Variants in CARMIL1 observed in about 807,000 individuals in gnomAD.
CARMIL1 encodes the protein F-actin-uncapping protein LRRC16A.
In CARMIL1, 90 loss-of-function variants were observed where a neutral mutation model predicts 177.1. The observed-to-expected ratio is 0.51, with a 90% CI of 0.43 to 0.61. The LOEUF is 0.61. Ranked by LOEUF, CARMIL1 falls within the 20% of genes least tolerant of loss-of-function variation. CARMIL1 has a pLI of 0.00. For synonymous variants in CARMIL1, 577 were observed against 606.2 expected (o/e 0.95, Z 0.71); for missense variants, 1,380 against 1,667.0 (o/e 0.83, Z 3.00).
At chr6:25,468,980 T>C (rs1018678457) in intron 9 of CARMIL1, among the ~76,000 whole-genome samples, 1 of 152,214 alleles carries the variant, frequency 6.6e-6, no homozygotes, top group Non-Finnish European at 1.5e-5. Context: ...ATCTAAGTAA[T>C]CACTTTTTAT....
At chr6:25,491,003 G>A (rs1453641456) in intron 13 of CARMIL1, among the ~76,000 whole-genome samples, 2 of 152,196 alleles carry the variant, frequency 1.3e-5, no homozygotes, top group African/African-American at 4.8e-5. Context: ...CTTGGACTCA[G>A]CTTGTTATGG....
At chr6:25,280,328 G>A (rs1273634614) in intron 1 of CARMIL1, among the ~76,000 whole-genome samples, 1 of 152,178 alleles carries the variant, frequency 6.6e-6, no homozygotes, top group African/African-American at 2.4e-5. Context: ...CGCGGGAGGT[G>A]ATCTTCTGAC....
At chr6:25,422,065 G>T (rs917784437) in intron 3 of CARMIL1, among the ~76,000 whole-genome samples, 3 of 152,110 alleles carry the variant, frequency 2.0e-5, no homozygotes, top group Admixed American at 6.5e-5. Context: ...TAAAAGATGT[G>T]AAGTTGGCTA....
chr6:25,391,365 C>A (rs779246475), intron 2 of CARMIL1, among the ~76,000 whole-genome samples: 1 of 152,154 alleles, frequency 6.6e-6, no homozygotes, highest in African/African-American at 2.4e-5. Flanking sequence ...TAAAAGGGCA[C>A]TGGGCTGTCT....
chr6:25,490,421 G>A (rs1449627481), intron 13 of CARMIL1, among the ~76,000 whole-genome samples: 1 of 152,120 alleles, frequency 6.6e-6, no homozygotes, highest in Non-Finnish European at 1.5e-5. Context: ...TCTATGGCTG[G>A]GTGTAGTGGC....
intron 17 of CARMIL1, among the ~76,000 whole-genome samples, chr6:25,506,997 T>C (rs1459325707): frequency 6.6e-6 from 1 of 152,186 alleles, no homozygotes; most frequent in Non-Finnish European, 1.5e-5. Context: ...GAGAGGATAC[T>C]ACTCTCTTGA....
rs756068544 is a variant in CARMIL1 at position 25,594,410 on chromosome 6, T to C, written c.3007-5T>C. On this transcript the variant is annotated splice_polypyrimidine_tract_variant and splice_region_variant and intron_variant, in intron 31 of 36. Transcript: ENST00000329474. ...GAATTAACATTACATCTGTTTGTTT[T>C]GCAGGTCTGTGCTGCCAACATAGTC... 19 of 1,570,664 alleles carry C rather than the reference T, an allele frequency of 1.2e-5. No individual in the cohort carries two copies. In the East Asian group the frequency reaches 3.8e-4, roughly 31 times the overall value.
chr6:25,555,425 G>T (rs1253200265), intron 28 of CARMIL1, among the ~76,000 whole-genome samples: 2 of 151,324 alleles, frequency 1.3e-5, no homozygotes, highest in African/African-American at 2.4e-5. Flanking sequence ...ATTCAGGATG[G>T]AGTCTTGCTC....
chr6:25,470,887 G>A (rs1267918137), intron 9 of CARMIL1, among the ~76,000 whole-genome samples: 1 of 152,162 alleles, frequency 6.6e-6, no homozygotes, highest in Non-Finnish European at 1.5e-5. Context: ...GTTTTTAACT[G>A]TGAATTTTGG....
intron 24 of CARMIL1, among the ~76,000 whole-genome samples, chr6:25,530,208 TAAAGCGTTCCAGAAAGA>T (rs1807603872): frequency 6.6e-6 from 1 of 151,884 alleles, no homozygotes; most frequent in Admixed American, 6.6e-5. Context: ...AAAAAAATCT[TAAAGCGTTCCAGAAAGA>T]AAAGAGTTCC....
intron 21 of CARMIL1, among the ~76,000 whole-genome samples, chr6:25,516,067 G>T (rs528605863): frequency 5.3e-5 from 8 of 152,286 alleles, no homozygotes; most frequent in African/African-American, 1.9e-4. Flanking sequence ...TAGTTCTGTT[G>T]TAAGGTAGAA....
At chr6:25,616,825 A>C (rs1759301620) in intron 36 of CARMIL1, among the ~76,000 whole-genome samples, 1 of 152,208 alleles carries the variant, frequency 6.6e-6, no homozygotes, top group Non-Finnish European at 1.5e-5. Context: ...GATCTGGACT[A>C]ATAAGGGTGG....
At chr6:25,530,799 A>C (rs1807687092) in intron 24 of CARMIL1, among the ~76,000 whole-genome samples, 1 of 152,064 alleles carries the variant, frequency 6.6e-6, no homozygotes, top group Admixed American at 6.5e-5. Flanking sequence ...AGCTGAGAGA[A>C]AGTTTTTAAA....
intron 24 of CARMIL1, among the ~76,000 whole-genome samples, chr6:25,532,507 G>A (rs1807871508): frequency 6.6e-6 from 1 of 152,126 alleles, no homozygotes; most frequent in Non-Finnish European, 1.5e-5. Flanking sequence ...AATCATTTTA[G>A]TCACTTCAGG....
intron 8 of CARMIL1, chr6:25,452,248 G>A (rs772329149): frequency 1.2e-5 from 9 of 763,156 alleles, no homozygotes; most frequent in African/African-American, 1.0e-4. Flanking sequence ...CCTGCTTAGA[G>A]CAGTTCTCCT....
At chr6:25,481,553 G>A (rs181686834) in intron 11 of CARMIL1, among the ~76,000 whole-genome samples, 10 of 152,284 alleles carry the variant, frequency 6.6e-5, no homozygotes, top group Admixed American at 6.5e-4. Flanking sequence ...TCAGTTGAAG[G>A]ACCTGTATGA....
At chr6:25,572,367 G>A (rs1812154612) in intron 29 of CARMIL1, among the ~76,000 whole-genome samples, 1 of 152,142 alleles carries the variant, frequency 6.6e-6, no homozygotes, top group African/African-American at 2.4e-5. Flanking sequence ...AAAAGGGTGG[G>A]TGTATGTATT....
chr6:25,383,053 C>A (rs975094573), intron 2 of CARMIL1, among the ~76,000 whole-genome samples: 4 of 152,014 alleles, frequency 2.6e-5, no homozygotes, highest in African/African-American at 9.7e-5. Context: ...CTTCTCTGGC[C>A]CTGAGGAGTG....
chr6:25,593,995 C>G (rs1158675026), intron 31 of CARMIL1, among the ~76,000 whole-genome samples: 1 of 152,136 alleles, frequency 6.6e-6, no homozygotes, highest in African/African-American at 2.4e-5. Context: ...CTACTATGTT[C>G]CATCCTTAGC....
Sources: gnomAD v4.1 joint callset for allele counts (sites outside exome capture counted in the v4.1 genomes callset) on GRCh38, gnomAD v4.1.1 for gene constraint, MANE v1.5 for transcripts, NCBI Gene and HGNC (gene_info 2026-07-23, HGNC 2026-07-21) for gene names.